ATF2: variants seen among roughly 807,000 people sequenced by gnomAD.
ATF2 encodes activating transcription factor 2.
In ATF2, 24 loss-of-function variants were observed where a neutral mutation model predicts 60.6. The observed-to-expected ratio is 0.40, with a 90% CI of 0.29 to 0.56. The LOEUF is 0.56. Ranked by LOEUF, ATF2 falls within the 20% of genes least tolerant of loss-of-function variation. The probability of loss-of-function intolerance (pLI) is 0.54; values close to 1 mark genes in which losing one functional copy is unlikely to be tolerated. For missense variants in ATF2, 433 were observed against 607.7 expected, an observed-to-expected ratio of 0.71 and a Z score of 3.02; for synonymous variants, 206 against 215.4, an observed-to-expected ratio of 0.96 and a Z score of 0.38.
At chr2:175,125,232 A>C (rs970792129) in intron 4 of ATF2, among the ~76,000 whole-genome samples, 3 of 152,084 alleles carry the variant, frequency 2.0e-5, no homozygotes, top group Admixed American at 2.0e-4. Flanking sequence ...AGTCACCATC[A>C]AAATGATGCT....
At chr2:175,087,272 C>G (rs994705991) in intron 12 of ATF2, among the ~76,000 whole-genome samples, 2 of 151,948 alleles carry the variant, frequency 1.3e-5, no homozygotes, top group African/African-American at 4.8e-5. Context: ...TGTGAAAGTC[C>G]CATTCAAATG....
chr2:175,156,377 CAAA>C (rs57399474), intron 1 of ATF2, among the ~76,000 whole-genome samples: 5,787 of 55,866 alleles, frequency 0.1, 69 homozygotes, highest in African/African-American at 0.18. Flanking sequence ...TCTCAAAAAA[CAAA>C]AAAAAAAAAA....
At chr2:175,109,189 A>AAAAAAAAC (rs1695996021) in intron 10 of ATF2, among the ~76,000 whole-genome samples, 1 of 151,118 alleles carries the variant, frequency 6.6e-6, no homozygotes, top group Non-Finnish European at 1.5e-5. Context: ...AAAAAAAAAA[A>AAAAAAAAC]AAAAGACTGT....
intron 2 of ATF2, among the ~76,000 whole-genome samples, chr2:175,146,612 G>A (rs2105799595): frequency 6.6e-6 from 1 of 151,796 alleles, no homozygotes; most frequent in African/African-American, 2.4e-5. Context: ...GTTACCCACA[G>A]TCAACAGCTG....
intron 1 of ATF2, among the ~76,000 whole-genome samples, chr2:175,156,377 C>CAAAAAAAAAAAAAA (rs57399474): frequency 3.6e-5 from 2 of 55,980 alleles, no homozygotes; most frequent in African/African-American, 5.8e-5. Flanking sequence ...TCTCAAAAAA[C>CAAAAAAAAAAAAAA]AAAAAAAAAA....
chr2:175,150,667 AAAC>A (rs1699253326), intron 2 of ATF2, among the ~76,000 whole-genome samples: 1 of 152,136 alleles, frequency 6.6e-6, no homozygotes, highest in Admixed American at 6.6e-5. Context: ...TAGAGTGGGT[AAAC>A]TTTTTGCCCA....
intron 12 of ATF2, among the ~76,000 whole-genome samples, chr2:175,088,896 A>C (rs1331189341): frequency 1.3e-5 from 2 of 152,158 alleles, no homozygotes; most frequent in South Asian, 2.1e-4. Flanking sequence ...AAAATACAGT[A>C]ATTGGCTGGG....
At chr2:175,159,832 G>A (rs1055767427) in intron 1 of ATF2, among the ~76,000 whole-genome samples, 1 of 152,068 alleles carries the variant, frequency 6.6e-6, no homozygotes, top group East Asian at 1.9e-4. Flanking sequence ...AACAACAGTA[G>A]CACAAGTTGT....
chr2:175,133,354 C>T (rs189555430), intron 3 of ATF2, among the ~76,000 whole-genome samples: 55 of 152,184 alleles, frequency 3.6e-4, no homozygotes, highest in African/African-American at 1.3e-3. Context: ...CATAAGGCTA[C>T]CTGATTTGTA....
At chr2:175,088,272 G>C (rs115297272) in intron 12 of ATF2, among the ~76,000 whole-genome samples, 7 of 152,052 alleles carry the variant, frequency 4.6e-5, no homozygotes, top group Admixed American at 6.5e-5. Context: ...GTGGAAAAAC[G>C]TGGAAGATAG....
chr2:175,077,621 T>A (rs187564646), intron 13 of ATF2, among the ~76,000 whole-genome samples: 267 of 152,292 alleles, frequency 1.8e-3, no homozygotes, highest in African/African-American at 6.2e-3. Context: ...CGTAAATACA[T>A]ACTGGAGTCA....
chr2:175,136,307 TG>T (rs1220371511), intron 3 of ATF2, 104 bp downstream of exon 3: 1 of 1,086,170 alleles, frequency 9.2e-7, no homozygotes, highest in Non-Finnish European at 1.4e-6. Context: ...TTGTTTTGTA[TG>T]GAAAAAAACA....
chr2:175,133,946 T>C (rs1220408911), intron 3 of ATF2, among the ~76,000 whole-genome samples: 1 of 152,150 alleles, frequency 6.6e-6, no homozygotes, highest in Non-Finnish European at 1.5e-5. Context: ...ACAAAAATTA[T>C]ACAGGTAACT....
chr2:175,131,943 A>C (rs1351564747), intron 3 of ATF2, among the ~76,000 whole-genome samples: 1 of 152,204 alleles, frequency 6.6e-6, no homozygotes, highest in Non-Finnish European at 1.5e-5. Context: ...CATATTTTTT[A>C]AAACAATATA....
chr2:175,075,522 C>T (rs1485161662), intron 13 of ATF2, among the ~76,000 whole-genome samples: 4 of 152,018 alleles, frequency 2.6e-5, no homozygotes, highest in Admixed American at 2.0e-4. Flanking sequence ...TAAATATTTA[C>T]GAAAATAAAT....
chr2:175,085,619 A>G (rs182877525), intron 12 of ATF2, among the ~76,000 whole-genome samples: 1 of 151,852 alleles, frequency 6.6e-6, no homozygotes, highest in East Asian at 1.9e-4. Flanking sequence ...TTAAATAGAC[A>G]GGTCTGAAAC....
intron 2 of ATF2, among the ~76,000 whole-genome samples, chr2:175,149,276 A>G (rs753499032): frequency 1.3e-5 from 2 of 152,162 alleles, no homozygotes; most frequent in Admixed American, 6.6e-5. Flanking sequence ...AAAATTGTTA[A>G]AGGTGGGGGC....
intron 1 of ATF2, among the ~76,000 whole-genome samples, chr2:175,153,367 T>G (rs1230033488): frequency 6.6e-6 from 1 of 152,238 alleles, no homozygotes; most frequent in Non-Finnish European, 1.5e-5. Context: ...AACATCATTG[T>G]GCAAACTTCA....
At chr2:175,115,529 AC>A (rs545543392) in intron 7 of ATF2, among the ~76,000 whole-genome samples, 6 of 152,320 alleles carry the variant, frequency 3.9e-5, no homozygotes, top group Admixed American at 3.9e-4. Context: ...AAATTATAGA[AC>A]AAAAAGTTTT....
Sources: allele counts gnomAD v4.1 joint callset (sites outside exome capture counted in the v4.1 genomes callset), GRCh38; gene constraint gnomAD v4.1.1; transcripts MANE v1.5; gene names NCBI Gene and HGNC (gene_info 2026-07-23, HGNC 2026-07-21).